C16orf96: variants seen among roughly 807,000 people sequenced by gnomAD.
C16orf96 encodes the protein uncharacterized protein C16orf96.
A neutral mutation model predicts 103.6 loss-of-function variants in C16orf96; 108 were observed. The observed-to-expected ratio is 1.04, with a 90% CI of 0.89 to 1.22. The LOEUF (loss-of-function observed/expected upper bound fraction) is 1.22. C16orf96 is among the 50% of genes most tolerant of loss of function. The pLI, the probability that C16orf96 is intolerant of heterozygous loss-of-function variation, is 0.00. For missense variants in C16orf96, 1,586 were observed against 1,464.2 expected (o/e 1.08, Z -1.36); for synonymous variants, 566 against 593.5 (o/e 0.95, Z 0.67).
intron 1 of C16orf96, among the ~76,000 whole-genome samples, chr16:4,565,889 C>T (rs1489037471): frequency 2.0e-5 from 3 of 152,216 alleles, no homozygotes; most frequent in Admixed American, 1.3e-4. Flanking sequence ...GTTGCCCTGG[C>T]TGAAGTTCAG....
chr16:4,571,477 G>A lies in C16orf96; in HGVS notation c.421-84G>A, dbSNP rs145352306. 2.4e-3 allele frequency: 2,849 copies of A among 1,187,626 alleles called. 81 individuals are homozygous for A. In the East Asian group the frequency reaches 0.056, roughly 23 times the overall value. 73.6% of individuals were successfully genotyped at this position (1,187,626 alleles called of 1,614,324 possible). A position where few individuals can be genotyped will look rare whatever the true frequency, so the allele number is the denominator to read the frequency against. On this transcript the variant is annotated intron_variant, in intron 1 of 15. Transcript: ENST00000444310. ...GAGCCAAGAGGACCTCTTGAACAAC[G>A]GCTATCATCAGAAAGCTTCTGCACT...
At chr16:4,572,018 T>A (rs1393524070) in intron 2 of C16orf96, among the ~76,000 whole-genome samples, 3 of 151,692 alleles carry the variant, frequency 2.0e-5, no homozygotes, top group Admixed American at 6.6e-5. Context: ...TCTGGGTAAT[T>A]TTTGTATTTT....
intron 1 of C16orf96, 54 bp downstream of exon 1, chr16:4,556,963 C>T (rs1177878038): frequency 6.2e-6 from 9 of 1,462,322 alleles, no homozygotes; most frequent in Non-Finnish European, 8.1e-6. Flanking sequence ...CTGGCTCTCT[C>T]CTGGGACGTC....
chr16:4,569,689 G>C (rs2141708624), intron 1 of C16orf96, among the ~76,000 whole-genome samples: 1 of 126,256 alleles, frequency 7.9e-6, no homozygotes, highest in Non-Finnish European at 1.7e-5. Flanking sequence ...GACAGAGTGA[G>C]ACTCTGTCTC....
chr16:4,599,501 C>T, intron 15 of C16orf96, 137 bp downstream of exon 15: 1 of 759,320 alleles, frequency 1.3e-6, no homozygotes, highest in South Asian at 1.6e-5. Flanking sequence ...CTTTGCCTGC[C>T]TATGGCACTT....
chr16:4,579,104 C>T (rs996820048), intron 6 of C16orf96, 79 bp downstream of exon 6: 6 of 1,279,550 alleles, frequency 4.7e-6, no homozygotes, highest in African/African-American at 1.5e-5. Context: ...ACTCTGCCCC[C>T]CTCCCAGGTG....
chr16:4,577,524 G>A (rs1021062221), intron 5 of C16orf96, among the ~76,000 whole-genome samples: 9 of 152,000 alleles, frequency 5.9e-5, no homozygotes, highest in South Asian at 2.1e-4. Context: ...GGTGGCGGGC[G>A]CCTGTAGTCC....
intron 1 of C16orf96, among the ~76,000 whole-genome samples, chr16:4,561,881 C>T (rs572959431): frequency 6.6e-6 from 1 of 152,140 alleles, no homozygotes; most frequent in African/African-American, 2.4e-5. Context: ...CTTCAGGCCT[C>T]GGTTTTTCTC....
Position 4,562,091 on chromosome 16 carries a change from C to G in C16orf96, c.420+5182C>G, listed in dbSNP as rs761652262. Among the ~76,000 whole-genome samples the G allele has an allele frequency of 5.2e-4, 79 of 152,244 alleles. 1 individual carries two copies. Among genetic ancestry groups the G allele is most frequent in the Admixed American group, 3.9e-3 (59 of 15,284 alleles). On this transcript the variant is annotated intron_variant, in intron 1 of 15. Transcript: ENST00000444310. ...AATGAGATGCATCGCCACTGCATTACAACTAAGCCATTAATCCTGTAGCTT... is the reference window on the plus strand; with the variant it reads ...AATGAGATGCATCGCCACTGCATTAGAACTAAGCCATTAATCCTGTAGCTT...
chr16:4,554,530 T>C (rs375760952), upstream of C16orf96, among the ~76,000 whole-genome samples: 15 of 151,580 alleles, frequency 9.9e-5, no homozygotes, highest in African/African-American at 3.4e-4. Flanking sequence ...TTTTGTATAT[T>C]TTTTGAAGTA....
chr16:4,572,113 G>T (rs2059445723), intron 2 of C16orf96, among the ~76,000 whole-genome samples: 1 of 150,790 alleles, frequency 6.6e-6, no homozygotes, highest in South Asian at 2.1e-4. Context: ...CTCCCAAAGT[G>T]CTGGGATTAC....
chr16:4,591,861 G>A, intron 10 of C16orf96, 77 bp downstream of exon 10: 2 of 1,163,156 alleles, frequency 1.7e-6, no homozygotes, highest in Middle Eastern at 2.3e-4. Flanking sequence ...GAAGCTCTGG[G>A]AGGAAAGATT....
At chr16:4,590,385 A>C (rs1215595893) in intron 9 of C16orf96, among the ~76,000 whole-genome samples, 2 of 149,236 alleles carry the variant, frequency 1.3e-5, no homozygotes, top group African/African-American at 4.9e-5. Context: ...ATGGTGAAAC[A>C]CTGTCTCTAC....
chr16:4,578,487 C>T (rs552142712), intron 5 of C16orf96, among the ~76,000 whole-genome samples: 285 of 152,084 alleles, frequency 1.9e-3, no homozygotes, highest in Non-Finnish European at 3.2e-3. Flanking sequence ...AGGCCGGGTG[C>T]GGTAGCTCAT....
chr16:4,599,351 C>T lies in C16orf96; in HGVS notation c.3195C>T (p.Gly1065=), dbSNP rs749292297. The part of the protein sequence containing the change: ...YDRVHSSALF[G]AICPPLCPRS... ...GTGTGCACTCCAGTGCCCTATTTGG[C>T]GCCATCTGCCCCCGTGAGTACCTGG... Residue 1065 remains glycine, a synonymous_variant, in exon 15 of 16, where the codon GGC becomes GGT. Transcript: ENST00000444310. 49 of 1,551,582 alleles carry T rather than the reference C, an allele frequency of 3.2e-5. No homozygotes were observed. The highest frequency in any genetic ancestry group is 1.4e-4 in the African/African-American group (10 of 73,148).
intron 13 of C16orf96, 42 bp downstream of exon 13, chr16:4,594,552 G>A: frequency 1.3e-6 from 2 of 1,544,868 alleles, no homozygotes; most frequent in Non-Finnish European, 1.8e-6. Flanking sequence ...GTGGACGTCA[G>A]CGCACCCCAG....
At chr16:4,572,533 C>T (rs1219147560) in intron 2 of C16orf96, among the ~76,000 whole-genome samples, 1 of 151,906 alleles carries the variant, frequency 6.6e-6, no homozygotes, top group East Asian at 1.9e-4. Context: ...AATCTCCTGA[C>T]CTCTTGATCC....
chr16:4,554,930 A>G (rs534916777), upstream of C16orf96, among the ~76,000 whole-genome samples: 2 of 151,280 alleles, frequency 1.3e-5, no homozygotes, highest in African/African-American at 4.8e-5. Context: ...CGCCCAGCCG[A>G]CAATGCCCTT....
Position 4,580,067 on chromosome 16 carries a change from GCT to G in C16orf96, c.2295_2296del (p.Tyr766HisfsTer16). 6.5e-7 allele frequency: 1 copy of G among 1,549,804 alleles called. No homozygotes were observed. Among genetic ancestry groups the G allele is most frequent in the Non-Finnish European group, 8.7e-7 (1 of 1,146,114 alleles). ...AACCAAATAGAGATGATGAAGGATC[GCT>G]ACATCACTTTGGACAAGGCGGTGGA... On this transcript the variant is annotated frameshift_variant, in exon 7 of 16. Coordinates refer to ENST00000444310, the MANE Select transcript of C16orf96 (RefSeq NM_001145011.2). LOFTEE classifies it high-confidence loss of function.
Sources: allele counts gnomAD v4.1 joint callset (sites outside exome capture counted in the v4.1 genomes callset), GRCh38; gene constraint gnomAD v4.1.1; transcripts MANE v1.5; gene names NCBI Gene and HGNC (gene_info 2026-07-23, HGNC 2026-07-21).